Variants in CNTNAP2 observed in about 807,000 individuals in gnomAD.
The protein encoded by CNTNAP2 is contactin associated protein 2.
Under a neutral mutation model 155.2 loss-of-function variants are expected in CNTNAP2, and 98 were observed. The observed-to-expected ratio is 0.63, with a 90% CI of 0.54 to 0.75. The LOEUF is 0.75. Among genes scored for constraint, CNTNAP2 ranks in the 30% least tolerant of loss-of-function variants. The pLI, the probability that CNTNAP2 is intolerant of heterozygous loss-of-function variation, is 0.00. For synonymous variants in CNTNAP2, 651 were observed against 631.2 expected, an observed-to-expected ratio of 1.03 and a Z score of -0.47; for missense variants, 1,727 against 1,688.1, an observed-to-expected ratio of 1.02 and a Z score of -0.40.
Position 148,413,833 on chromosome 7 carries a change from T to TAGTA in CNTNAP2, c.3797-1583_3797-1582insGTAA, listed in dbSNP as rs1799910598. On this transcript the variant is annotated intron_variant, in intron 23 of 23. Transcript: ENST00000361727. The stretch of plus-strand genomic sequence containing the variant: ...GTCATTATGAAATGTTCTTCATTTC[T>TAGTA]ACTAACAACCTTGTCCTTTGTCTCA... 5.1e-5 allele frequency among the ~76,000 whole-genome samples: 5 copies of TAGTA among 97,400 alleles called. No individual in the cohort carries two copies. The South Asian group carries it at 2.0e-3, about 38-fold the overall frequency. 63.9% of individuals were successfully genotyped at this position (97,400 alleles called of 152,430 possible). A position where few individuals can be genotyped will look rare whatever the true frequency, so the allele number is the denominator to read the frequency against.
intron 1 of CNTNAP2, among the ~76,000 whole-genome samples, chr7:146,653,657 C>T (rs933595149): frequency 3.3e-5 from 5 of 152,080 alleles, no homozygotes; most frequent in African/African-American, 1.2e-4. Flanking sequence ...CAATTCAAAA[C>T]AATTTCAAAG....
intron 1 of CNTNAP2, among the ~76,000 whole-genome samples, chr7:146,758,478 A>G (rs1802030312): frequency 6.6e-6 from 1 of 152,118 alleles, no homozygotes; most frequent in Admixed American, 6.6e-5. Flanking sequence ...CTGCTGATAA[A>G]GTCATACCAG....
At chr7:147,174,358 A>C (rs771608622) in intron 8 of CNTNAP2, among the ~76,000 whole-genome samples, 2 of 152,106 alleles carry the variant, frequency 1.3e-5, no homozygotes, top group Admixed American at 6.5e-5. Context: ...CATTCTTTCA[A>C]TCCTTCCTAA....
chr7:147,918,974 A>G (rs1286582555), intron 14 of CNTNAP2, among the ~76,000 whole-genome samples: 1 of 152,188 alleles, frequency 6.6e-6, no homozygotes, highest in East Asian at 1.9e-4. Context: ...ATCCTGGACT[A>G]TCAGTGGGTG....
chr7:147,306,308 T>A (rs1465654684), intron 9 of CNTNAP2, among the ~76,000 whole-genome samples: 1 of 152,214 alleles, frequency 6.6e-6, no homozygotes, highest in Non-Finnish European at 1.5e-5. Flanking sequence ...ACACATACTT[T>A]GAGAAATGTG....
chr7:147,515,216 T>G (rs1799097905), intron 11 of CNTNAP2, among the ~76,000 whole-genome samples: 1 of 152,190 alleles, frequency 6.6e-6, no homozygotes, highest in African/African-American at 2.4e-5. Context: ...AGATGTCATC[T>G]TCTCTTGAAG....
At chr7:147,325,019 A>G (rs188259942) in intron 9 of CNTNAP2, among the ~76,000 whole-genome samples, 93 of 152,292 alleles carry the variant, frequency 6.1e-4, no homozygotes, top group Admixed American at 1.8e-3. Flanking sequence ...AAATAAATGT[A>G]TAGGCCTGGC....
intron 1 of CNTNAP2, among the ~76,000 whole-genome samples, chr7:146,555,998 T>C (rs564206594): frequency 1.3e-5 from 2 of 152,332 alleles, no homozygotes; most frequent in South Asian, 4.1e-4. Flanking sequence ...TCCACACCTG[T>C]AATTCTTAAT....
chr7:148,338,006 A>G (rs998416774), intron 21 of CNTNAP2, among the ~76,000 whole-genome samples: 3 of 151,174 alleles, frequency 2.0e-5, no homozygotes, highest in Admixed American at 1.3e-4. Context: ...TTGACAAACA[A>G]ATATATTCAG....
chr7:148,161,789 T>C (rs1477619232), intron 17 of CNTNAP2, among the ~76,000 whole-genome samples: 1 of 152,246 alleles, frequency 6.6e-6, no homozygotes. Flanking sequence ...TATTTAACAA[T>C]TGTCACTGTG....
chr7:146,432,464 C>T (rs1359223533), intron 1 of CNTNAP2, among the ~76,000 whole-genome samples: 3 of 152,012 alleles, frequency 2.0e-5, no homozygotes, highest in Non-Finnish European at 2.9e-5. Flanking sequence ...TATAAATTCT[C>T]ATTATGAAAC....
At chr7:146,415,320 T>C (rs1254756891) in intron 1 of CNTNAP2, among the ~76,000 whole-genome samples, 1 of 152,190 alleles carries the variant, frequency 6.6e-6, no homozygotes, top group African/African-American at 2.4e-5. Flanking sequence ...TATTTGTGTT[T>C]TTCTGTTATT....
chr7:147,857,995 A>G (rs772449320), intron 13 of CNTNAP2, among the ~76,000 whole-genome samples: 2 of 152,206 alleles, frequency 1.3e-5, no homozygotes, highest in Non-Finnish European at 2.9e-5. Context: ...TTTTAAAACT[A>G]TCAGCTTTGC....
chr7:147,571,650 G>A (rs567681263), intron 12 of CNTNAP2, among the ~76,000 whole-genome samples: 32 of 152,194 alleles, frequency 2.1e-4, no homozygotes, highest in Admixed American at 3.9e-4. Flanking sequence ...TTTTAGAGAG[G>A]AAATCATGTA....
intron 12 of CNTNAP2, among the ~76,000 whole-genome samples, chr7:147,596,844 G>A (rs1800834715): frequency 6.6e-6 from 1 of 152,174 alleles, no homozygotes; most frequent in Non-Finnish European, 1.5e-5. Flanking sequence ...CAGTAAAGAA[G>A]CTGGCCAAGA....
intron 1 of CNTNAP2, among the ~76,000 whole-genome samples, chr7:146,333,856 C>T (rs1041753568): frequency 6.6e-6 from 1 of 152,110 alleles, no homozygotes; most frequent in Non-Finnish European, 1.5e-5. Context: ...CTGTACTAGA[C>T]TGAAGAAATA....
chr7:147,225,981 AAG>A (rs1207668621), intron 8 of CNTNAP2, among the ~76,000 whole-genome samples: 3 of 151,364 alleles, frequency 2.0e-5, no homozygotes, highest in African/African-American at 7.4e-5. Flanking sequence ...GAGAGAAAGA[AAG>A]AGAGAAAGAA....
chr7:146,647,609 T>C (rs964144783), intron 1 of CNTNAP2, among the ~76,000 whole-genome samples: 13 of 152,088 alleles, frequency 8.5e-5, no homozygotes, highest in African/African-American at 3.1e-4. Flanking sequence ...GAGAAATCAC[T>C]GGGAAGCAAC....
chr7:147,308,380 A>T (rs1233820907), intron 9 of CNTNAP2, among the ~76,000 whole-genome samples: 1 of 152,182 alleles, frequency 6.6e-6, no homozygotes, highest in Non-Finnish European at 1.5e-5. Flanking sequence ...TGGATGAGGG[A>T]GAACAGTGGC....
Sources: allele counts gnomAD v4.1 joint callset (sites outside exome capture counted in the v4.1 genomes callset), GRCh38; gene constraint gnomAD v4.1.1; transcripts MANE v1.5; gene names NCBI Gene and HGNC (gene_info 2026-07-23, HGNC 2026-07-21).